Variants in ARHGAP20 observed in about 807,000 individuals in gnomAD.
ARHGAP20 encodes the protein rho GTPase-activating protein 20.
ARHGAP20 carries 34 observed loss-of-function variants against 73.7 expected under a neutral mutation model. The ratio of observed to expected loss-of-function variants is 0.46; its 90% CI spans 0.35 to 0.61. The LOEUF is 0.61. Among genes scored for constraint, ARHGAP20 ranks in the 20% least tolerant of loss-of-function variants. ARHGAP20 has a pLI of 0.00. For missense variants in ARHGAP20, 1,314 were observed against 1,420.9 expected, an observed-to-expected ratio of 0.92 and a Z score of 1.21; for synonymous variants, 523 against 518.2, an observed-to-expected ratio of 1.01 and a Z score of -0.13.
intron 1 of ARHGAP20, among the ~76,000 whole-genome samples, chr11:110,696,641 G>A (rs1034905686): frequency 6.6e-6 from 1 of 151,588 alleles, no homozygotes; most frequent in African/African-American, 2.4e-5. Flanking sequence ...GTGTACTGGT[G>A]AGGATTGGGC....
intron 2 of ARHGAP20, among the ~76,000 whole-genome samples, chr11:110,685,466 C>T (rs1316428198): frequency 1.3e-5 from 2 of 151,040 alleles, no homozygotes; most frequent in Non-Finnish European, 2.9e-5. Context: ...AGAGAAACCA[C>T]CTCCAGCAGC....
chr11:110,696,899 T>G (rs180979548), intron 1 of ARHGAP20, among the ~76,000 whole-genome samples: 16 of 151,768 alleles, frequency 1.1e-4, no homozygotes, highest in Admixed American at 1.1e-3. Flanking sequence ...CAAAGAAAAT[T>G]ATTTCATTCT....
At chr11:110,637,049 T>C (rs1257094956) in intron 2 of ARHGAP20, among the ~76,000 whole-genome samples, 3 of 152,076 alleles carry the variant, frequency 2.0e-5, no homozygotes, top group African/African-American at 7.2e-5. Context: ...CATTTTCAAA[T>C]GGGTTTGTGA....
chr11:110,663,816 A>G (rs1471424624), intron 2 of ARHGAP20, among the ~76,000 whole-genome samples: 2 of 152,172 alleles, frequency 1.3e-5, no homozygotes, highest in Non-Finnish European at 2.9e-5. Context: ...TGCAGAACCA[A>G]CACCTCTCAT....
intron 2 of ARHGAP20, among the ~76,000 whole-genome samples, chr11:110,683,633 C>T (rs1565475804): frequency 1.3e-5 from 2 of 152,082 alleles, no homozygotes; most frequent in African/African-American, 2.4e-5. Flanking sequence ...TGATTGAGTG[C>T]TATGATTAAA....
At chr11:110,620,968 G>A (rs1158430387) in intron 4 of ARHGAP20, among the ~76,000 whole-genome samples, 6 of 151,644 alleles carry the variant, frequency 4.0e-5, no homozygotes, top group African/African-American at 1.5e-4. Flanking sequence ...CAGCTACTCA[G>A]GAGGCTGAGG....
At chr11:110,660,213 G>A (rs1003028401) in intron 2 of ARHGAP20, among the ~76,000 whole-genome samples, 4 of 152,108 alleles carry the variant, frequency 2.6e-5, no homozygotes, top group Non-Finnish European at 4.4e-5. Context: ...CCTAAAATCG[G>A]CGTTTCTAAC....
intron 1 of ARHGAP20, among the ~76,000 whole-genome samples, chr11:110,701,014 A>AAT (rs1403912680): frequency 6.6e-6 from 1 of 150,944 alleles, no homozygotes; most frequent in Non-Finnish European, 1.5e-5. Flanking sequence ...GTTGGTTCCA[A>AAT]GTCTTTGCTA....
chr11:110,625,182 C>T lies in ARHGAP20; in HGVS notation c.354-871G>A, dbSNP rs931593828. On this transcript the variant is annotated intron_variant, in intron 3 of 14. Coordinates refer to ENST00000683387, the MANE Select transcript of ARHGAP20 (RefSeq NM_001384657.1). ...CCTCCCGAGTAGCTGGGACTACAGG[C>T]GCCCGCCACCGCGCCCGGCTAATTT... Among the ~76,000 whole-genome samples the T allele has an allele frequency of 2.6e-4, 39 of 150,392 alleles. 1 individual carries two copies. Among genetic ancestry groups the T allele is most frequent in the African/African-American group, 6.3e-4 (26 of 41,158 alleles).
intron 6 of ARHGAP20, among the ~76,000 whole-genome samples, chr11:110,614,053 T>C (rs942470284): frequency 6.6e-6 from 1 of 152,140 alleles, no homozygotes; most frequent in African/African-American, 2.4e-5. Context: ...CCCTTAAAAA[T>C]GTCACCTCTC....
rs116658609 is a variant in ARHGAP20 at position 110,642,828 on chromosome 11, G to A, written c.189-12036C>T. Among the ~76,000 whole-genome samples the A allele has an allele frequency of 1.9e-3, 287 of 152,052 alleles. 1 individual carries two copies. Among genetic ancestry groups the A allele is most frequent in the African/African-American group, 6.6e-3 (276 of 41,542 alleles). On this transcript the variant is annotated intron_variant, in intron 2 of 14. Coordinates refer to ENST00000683387, the MANE Select transcript of ARHGAP20 (RefSeq NM_001384657.1). ...ATGACTTAGGGAGTCCCTCCTCCTCGACTTTTTAGAATAGTTTCAGTAGAA... is the reference window on the plus strand; with the variant it reads ...ATGACTTAGGGAGTCCCTCCTCCTCAACTTTTTAGAATAGTTTCAGTAGAA...
chr11:110,690,710 A>G, intron 1 of ARHGAP20, 81 bp from the exon 2 acceptor site: 7 of 1,397,930 alleles, frequency 5.0e-6, no homozygotes, highest in Non-Finnish European at 5.0e-6. Context: ...ATCCAATTTA[A>G]CAAGTTTTGC....
rs1947393998 is a variant in ARHGAP20, at chr11:110,579,827, T to C, written c.3119A>G (p.Asn1040Ser). The C allele has an allele frequency of 3.1e-6, 5 of 1,614,026 alleles. No homozygotes were observed. Among genetic ancestry groups the C allele is most frequent in the Admixed American group, 1.7e-5 (1 of 60,006 alleles). The stretch of plus-strand genomic sequence containing the variant: ...CCAGTTTTTCAAACTGGCCACACCA[T>C]TTCTCAACCATGTGCTGGGATGAAG... Reference protein sequence around the residue: ...VTLHPSTWLRNGVASLKNWSL... With the variant: ...VTLHPSTWLRSGVASLKNWSL... The change falls in exon 15 of 15, where the codon AAT (asparagine) becomes AGT (serine). Residue 1040 changes from asparagine (N) to serine (S), a missense_variant. Physicochemically the swap from Asn to Ser is conservative, Grantham distance 46. Transcript: ENST00000683387.
intron 1 of ARHGAP20, among the ~76,000 whole-genome samples, chr11:110,698,234 G>A (rs572778952): frequency 1.3e-5 from 2 of 151,784 alleles, no homozygotes; most frequent in South Asian, 4.2e-4. Flanking sequence ...ATTGATTTGT[G>A]GATGTTGAAC....
chr11:110,637,982 G>C (rs566407258), intron 2 of ARHGAP20, among the ~76,000 whole-genome samples: 1 of 152,228 alleles, frequency 6.6e-6, no homozygotes, highest in African/African-American at 2.4e-5. Flanking sequence ...AAGGGGTACA[G>C]TCATTGGTGT....
intron 2 of ARHGAP20, among the ~76,000 whole-genome samples, chr11:110,675,940 G>A (rs1949921543): frequency 1.3e-5 from 2 of 152,156 alleles, no homozygotes. Flanking sequence ...GCTCCTTGAA[G>A]GCAAGCACAG....
chr11:110,584,971 G>GTGT (rs1565421595), intron 12 of ARHGAP20, among the ~76,000 whole-genome samples: 1 of 45,428 alleles, frequency 2.2e-5, no homozygotes, highest in African/African-American at 4.3e-5. Context: ...GTGAATATAT[G>GTGT]AATATATATG....
chr11:110,613,756 G>C (rs1459011986), intron 6 of ARHGAP20, among the ~76,000 whole-genome samples: 1 of 152,118 alleles, frequency 6.6e-6, no homozygotes, highest in Non-Finnish European at 1.5e-5. Context: ...GCATTCAGGA[G>C]TTGGTCAGAA....
intron 4 of ARHGAP20, among the ~76,000 whole-genome samples, chr11:110,620,826 C>T (rs748169295): frequency 3.3e-5 from 5 of 151,242 alleles, no homozygotes; most frequent in Non-Finnish European, 7.4e-5. Context: ...AATCCCAGCA[C>T]TTTGGGAGGC....
Sources: gnomAD v4.1 joint callset for allele counts (sites outside exome capture counted in the v4.1 genomes callset) on GRCh38, gnomAD v4.1.1 for gene constraint, MANE v1.5 for transcripts, NCBI Gene and HGNC (gene_info 2026-07-23, HGNC 2026-07-21) for gene names.